Variants in BABAM2 observed in about 807,000 individuals in gnomAD.
BABAM2 encodes the protein BRISC and BRCA1-A complex member 2.
BABAM2 carries 31 observed loss-of-function variants against 54.7 expected under a neutral mutation model. The ratio of observed to expected loss-of-function variants is 0.57; its 90% CI spans 0.43 to 0.77. BABAM2 has a LOEUF of 0.77. Ranked by LOEUF, BABAM2 falls within the 30% of genes least tolerant of loss-of-function variation. The pLI is 0.00. For missense variants in BABAM2, 364 were observed against 455.8 expected, an observed-to-expected ratio of 0.80 and a Z score of 1.83; for synonymous variants, 167 against 162.9, an observed-to-expected ratio of 1.03 and a Z score of -0.19.
chr2:28,052,345 T>C (rs1482937689), intron 6 of BABAM2, among the ~76,000 whole-genome samples: 1 of 151,132 alleles, frequency 6.6e-6, no homozygotes, highest in Non-Finnish European at 1.5e-5. Flanking sequence ...TGGAGCGTAG[T>C]GGCACGATCT....
At chr2:27,914,769 A>G (rs1386682161) in intron 2 of BABAM2, among the ~76,000 whole-genome samples, 2 of 152,212 alleles carry the variant, frequency 1.3e-5, no homozygotes, top group Non-Finnish European at 2.9e-5. Flanking sequence ...TTTTGTTTTC[A>G]ATTTATATAT....
intron 7 of BABAM2, among the ~76,000 whole-genome samples, chr2:28,233,949 C>T (rs575642831): frequency 3.7e-4 from 51 of 136,880 alleles, no homozygotes; most frequent in African/African-American, 1.2e-3. Context: ...ACTTTGGTGA[C>T]GGTCTGAAGC....
At chr2:28,232,708 C>T (rs900004965) in intron 7 of BABAM2, among the ~76,000 whole-genome samples, 1 of 152,200 alleles carries the variant, frequency 6.6e-6, no homozygotes, top group Non-Finnish European at 1.5e-5. Flanking sequence ...GGACAGTAAA[C>T]ATACGGTATT....
At chr2:27,920,382 T>C (rs1444980596) in intron 2 of BABAM2, among the ~76,000 whole-genome samples, 1 of 152,192 alleles carries the variant, frequency 6.6e-6, no homozygotes, top group Non-Finnish European at 1.5e-5. Context: ...AGATACCCTT[T>C]GTCAGTCTTC....
At chr2:28,203,309 C>T (rs1410044376) in intron 7 of BABAM2, among the ~76,000 whole-genome samples, 1 of 152,230 alleles carries the variant, frequency 6.6e-6, no homozygotes, top group East Asian at 1.9e-4. Context: ...AGATCACCAT[C>T]ATCCCACAGC....
At chr2:27,965,923 C>A (rs1215057949) in intron 3 of BABAM2, among the ~76,000 whole-genome samples, 1 of 150,322 alleles carries the variant, frequency 6.7e-6, no homozygotes, top group Non-Finnish European at 1.5e-5. Context: ...TTTCTGTCTT[C>A]TTTTTCTTCT....
At chr2:28,068,563 TAAA>T (rs1663834981) in intron 6 of BABAM2, among the ~76,000 whole-genome samples, 1 of 152,156 alleles carries the variant, frequency 6.6e-6, no homozygotes, top group African/African-American at 2.4e-5. Flanking sequence ...TTTGGAAAAA[TAAA>T]AACACAAAAT....
intron 3 of BABAM2, among the ~76,000 whole-genome samples, chr2:27,968,467 T>C (rs1670979326): frequency 6.6e-6 from 1 of 152,202 alleles, no homozygotes; most frequent in African/African-American, 2.4e-5. Flanking sequence ...GGGGCCCTCA[T>C]GGAGAACCTC....
At chr2:28,114,733 GT>G (rs567437623) in intron 6 of BABAM2, among the ~76,000 whole-genome samples, 108 of 152,282 alleles carry the variant, frequency 7.1e-4, no homozygotes, top group African/African-American at 2.5e-3. Flanking sequence ...GATTGCTCTT[GT>G]TTTTCTGCAC....
chr2:28,288,183 C>A (rs1686979135), intron 10 of BABAM2, among the ~76,000 whole-genome samples: 3 of 152,140 alleles, frequency 2.0e-5, no homozygotes, highest in Admixed American at 2.0e-4. Context: ...GCCCTCCAGA[C>A]AGGGAGAAGG....
chr2:28,260,607 T>C (rs1353040724), intron 10 of BABAM2, among the ~76,000 whole-genome samples: 2 of 152,076 alleles, frequency 1.3e-5, no homozygotes, highest in South Asian at 2.1e-4. Flanking sequence ...CAGCCAACTT[T>C]GTATTTCTGT....
At chr2:28,294,284 G>C (rs1687509853) in intron 10 of BABAM2, among the ~76,000 whole-genome samples, 1 of 151,908 alleles carries the variant, frequency 6.6e-6, no homozygotes, top group South Asian at 2.1e-4. Flanking sequence ...GGAGGCTGAG[G>C]CAAGAGAACC....
At chr2:28,200,523 A>G (rs1434060450) in intron 7 of BABAM2, among the ~76,000 whole-genome samples, 1 of 152,232 alleles carries the variant, frequency 6.6e-6, no homozygotes, top group African/African-American at 2.4e-5. Context: ...CCAGAGGGGT[A>G]AAGTGCATAT....
At chr2:28,123,390 A>G (rs1402976509) in intron 6 of BABAM2, among the ~76,000 whole-genome samples, 3 of 152,196 alleles carry the variant, frequency 2.0e-5, no homozygotes, top group Non-Finnish European at 4.4e-5. Context: ...CTTTAGCTTT[A>G]TCAGATTCGG....
At chr2:28,285,311 C>T (rs914346189) in intron 10 of BABAM2, among the ~76,000 whole-genome samples, 2 of 152,172 alleles carry the variant, frequency 1.3e-5, no homozygotes, top group African/African-American at 2.4e-5. Flanking sequence ...ACTCAACACT[C>T]GGCTTCACCC....
At chr2:28,185,885 C>A (rs1222576795) in intron 7 of BABAM2, among the ~76,000 whole-genome samples, 1 of 152,070 alleles carries the variant, frequency 6.6e-6, no homozygotes, top group African/African-American at 2.4e-5. Context: ...TTAAATATAT[C>A]TTTTTCATAA....
intron 11 of BABAM2, chr2:28,308,144 G>C: frequency 3.1e-6 from 1 of 318,822 alleles, no homozygotes; most frequent in Non-Finnish European, 6.1e-6. Flanking sequence ...CTCAACATAG[G>C]TCCTCATTTT....
chr2:28,047,401 A>G (rs1677665307), intron 6 of BABAM2, among the ~76,000 whole-genome samples: 1 of 152,234 alleles, frequency 6.6e-6, no homozygotes, highest in Admixed American at 6.5e-5. Flanking sequence ...TCAACAGCAT[A>G]TGAAAGTACC....
chr2:28,153,512 A>G (rs1457232308), intron 7 of BABAM2, among the ~76,000 whole-genome samples: 1 of 152,230 alleles, frequency 6.6e-6, no homozygotes, highest in African/African-American at 2.4e-5. Context: ...AAACTGTGGT[A>G]AAAATTAATA....
Sources: gnomAD v4.1 joint callset for allele counts (sites outside exome capture counted in the v4.1 genomes callset) on GRCh38, gnomAD v4.1.1 for gene constraint, MANE v1.5 for transcripts, NCBI Gene and HGNC (gene_info 2026-07-23, HGNC 2026-07-21) for gene names.